The following RBFOX1 variants were observed in gnomAD, a reference collection of about 807,000 sequenced individuals.
RBFOX1 encodes the protein RNA binding protein fox-1 homolog 1.
A neutral mutation model predicts 57.7 loss-of-function variants in RBFOX1; 8 were observed. The observed-to-expected ratio is 0.14, with a 90% CI of 0.08 to 0.25. The LOEUF (loss-of-function observed/expected upper bound fraction) is 0.25. Ranked by LOEUF, RBFOX1 falls within the 10% of genes least tolerant of loss-of-function variation. The pLI is 1.00. For synonymous variants in RBFOX1, 326 were observed against 222.4 expected (o/e 1.47, Z -4.15); for missense variants, 611 against 548.5 (o/e 1.11, Z -1.14).
chr16:7,338,497 G>T (rs2096834915), intron 4 of RBFOX1, among the ~76,000 whole-genome samples: 1 of 152,118 alleles, frequency 6.6e-6, no homozygotes. Context: ...CTGGTCTCAA[G>T]TAATCCTCAG....
chr16:7,593,678 T>C (rs2094552697), intron 7 of RBFOX1, among the ~76,000 whole-genome samples: 1 of 150,686 alleles, frequency 6.6e-6, no homozygotes, highest in Admixed American at 6.6e-5. Flanking sequence ...TTTTTTTTTT[T>C]CCAACCAAAG....
chr16:6,348,353 T>A (rs2085727198), intron 2 of RBFOX1, among the ~76,000 whole-genome samples: 1 of 152,172 alleles, frequency 6.6e-6, no homozygotes, highest in African/African-American at 2.4e-5. Flanking sequence ...GAGAATTGAA[T>A]GAGATACTTC....
chr16:5,717,177 C>A (rs2151522600), intron 3 of RBFOX1, among the ~76,000 whole-genome samples: 1 of 152,242 alleles, frequency 6.6e-6, no homozygotes, highest in South Asian at 2.1e-4. Context: ...AGTCAAAGTT[C>A]AGTGTTATAA....
intron 2 of RBFOX1, among the ~76,000 whole-genome samples, chr16:5,533,502 G>C (rs905224542): frequency 6.6e-6 from 1 of 152,162 alleles, no homozygotes; most frequent in Non-Finnish European, 1.5e-5. Flanking sequence ...GAGTGCTTGT[G>C]TGTATTACAG....
intron 3 of RBFOX1, among the ~76,000 whole-genome samples, chr16:6,931,055 T>C (rs895024691): frequency 6.6e-6 from 1 of 152,130 alleles, no homozygotes; most frequent in African/African-American, 2.4e-5. Context: ...GGTTTGTTTT[T>C]CATTGCTGTA....
intron 1 of RBFOX1, among the ~76,000 whole-genome samples, chr16:6,136,941 G>A (rs2096671432): frequency 6.6e-6 from 1 of 152,158 alleles, no homozygotes; most frequent in African/African-American, 2.4e-5. Flanking sequence ...CCAAGCAGTG[G>A]AGGATAACGA....
In RBFOX1 at chr16:7,052,070, A is replaced by G; in HGVS notation, c.-2A>G. On this transcript the variant is annotated 5_prime_UTR_variant, in exon 4 of 16. Transcript: ENST00000550418. ...TTTTCTTTCTAGGTTTCAAGACAAC[A>G]GATGAATTGTGAAAGAGAGCAGCTA... is the stretch of plus-strand genomic sequence containing the variant. 6.2e-7 allele frequency: 1 copy of G among 1,612,520 alleles called. No homozygotes were observed. Among genetic ancestry groups the G allele is most frequent in the Non-Finnish European group, 8.5e-7 (1 of 1,179,516 alleles).
rs140627806 is a variant in RBFOX1, at chr16:6,901,471, G to C, written c.-15-150586G>C. Among the ~76,000 whole-genome samples, 9 of 152,198 alleles carry C rather than the reference G, an allele frequency of 5.9e-5. No individual in the cohort carries two copies. The East Asian group carries it at 1.5e-3, about 26-fold the overall frequency. On this transcript the variant is annotated intron_variant, in intron 3 of 15. Coordinates refer to ENST00000550418, the MANE Select transcript of RBFOX1 (RefSeq NM_018723.4). ...GTGCCTGGCCTATGTCTGCCCCTAC[G>C]ACTCTTCCTTAGCCCATGACTCTCG... is the stretch of plus-strand genomic sequence containing the variant.
chr16:6,007,080 G>A (rs1432597126), intron 4 of RBFOX1, among the ~76,000 whole-genome samples: 1 of 152,164 alleles, frequency 6.6e-6, no homozygotes, highest in East Asian at 1.9e-4. Context: ...CTGGAACCAA[G>A]CTTTCTGGGA....
At chr16:6,040,570 T>TTCTTTCTTTCTC (rs1555484378) in intron 1 of RBFOX1, among the ~76,000 whole-genome samples, 1 of 149,986 alleles carries the variant, frequency 6.7e-6, no homozygotes, top group Non-Finnish European at 1.5e-5. Context: ...CTTTCTTTCT[T>TTCTTTCTTTCTC]TCTCTCTCTC....
Position 7,206,088 on chromosome 16 carries a change from A to C in RBFOX1, c.27+153990A>C, listed in dbSNP as rs913177620. Reference sequence around the variant, plus strand: ...ACACTAGGAACTCAGTAAAATGTTAAGCAGGTTTAGGGAAGTGCTTACCTG... The same window carrying C: ...ACACTAGGAACTCAGTAAAATGTTACGCAGGTTTAGGGAAGTGCTTACCTG... On this transcript the variant is annotated intron_variant, in intron 4 of 15. Transcript: ENST00000550418. Among the ~76,000 whole-genome samples, 3 of 152,230 alleles carry C rather than the reference A, an allele frequency of 2.0e-5. No individual in the cohort carries two copies. In the South Asian group the frequency reaches 6.2e-4, roughly 32 times the overall value.
intron 1 of RBFOX1, among the ~76,000 whole-genome samples, chr16:5,466,656 C>A (rs967918694): frequency 6.6e-6 from 1 of 152,198 alleles, no homozygotes; most frequent in African/African-American, 2.4e-5. Flanking sequence ...ACCTGTAGGG[C>A]TAGATATGCT....
chr16:5,455,644 A>G (rs1170845066), intron 1 of RBFOX1, among the ~76,000 whole-genome samples: 2 of 152,120 alleles, frequency 1.3e-5, no homozygotes, highest in Non-Finnish European at 2.9e-5. Context: ...ACGCAGACCC[A>G]TTATTTCCCT....
At chr16:7,561,375 A>G (rs926747288) in intron 5 of RBFOX1, among the ~76,000 whole-genome samples, 4 of 152,232 alleles carry the variant, frequency 2.6e-5, no homozygotes, top group Admixed American at 6.5e-5. Flanking sequence ...GACAAGTAGA[A>G]AGGAGATGCA....
chr16:6,155,659 C>T (rs972118087), intron 1 of RBFOX1, among the ~76,000 whole-genome samples: 2 of 152,156 alleles, frequency 1.3e-5, no homozygotes, highest in Non-Finnish European at 2.9e-5. Flanking sequence ...CTTTCTATCC[C>T]ACCAACTCTT....
At position 6,711,386 on chromosome 16, in the gene RBFOX1, C is replaced by T. The variant is rs146711895; in HGVS notation, c.-16+56736C>T. Among the ~76,000 whole-genome samples the T allele has an allele frequency of 1.0e-2, 1,522 of 152,256 alleles. 19 individuals are homozygous for T. The highest frequency in any genetic ancestry group is 0.016 in the Non-Finnish European group (1,066 of 68,018). ...CAACTTTGTCATCTGGTATCTTGTCCTATCTCTCCTGATATGGTTTGACTC... is the reference window on the plus strand; with the variant it reads ...CAACTTTGTCATCTGGTATCTTGTCTTATCTCTCCTGATATGGTTTGACTC... On this transcript the variant is annotated intron_variant, in intron 3 of 15. Coordinates refer to ENST00000550418, the MANE Select transcript of RBFOX1 (RefSeq NM_018723.4).
intron 2 of RBFOX1, among the ~76,000 whole-genome samples, chr16:6,407,534 G>A (rs2152963522): frequency 1.1e-5 from 1 of 87,656 alleles, no homozygotes; most frequent in Admixed American, 1.2e-4. Flanking sequence ...AAGAGGGAAG[G>A]AGAGGGGTGT....
chr16:7,204,836 C>G (rs936587725), intron 4 of RBFOX1, among the ~76,000 whole-genome samples: 1 of 152,208 alleles, frequency 6.6e-6, no homozygotes, highest in Non-Finnish European at 1.5e-5. Flanking sequence ...CCCCTCCGCA[C>G]AGTTTCTGGC....
intron 4 of RBFOX1, among the ~76,000 whole-genome samples, chr16:7,252,002 A>C (rs1356801418): frequency 6.6e-6 from 1 of 152,242 alleles, no homozygotes; most frequent in Admixed American, 6.5e-5. Flanking sequence ...AGGAAAATGC[A>C]AAAGCTCTAC....
Sources: allele counts gnomAD v4.1 joint callset (sites outside exome capture counted in the v4.1 genomes callset), GRCh38; gene constraint gnomAD v4.1.1; transcripts MANE v1.5; gene names NCBI Gene and HGNC (gene_info 2026-07-23, HGNC 2026-07-21).